Variants in FHIP1A observed in about 807,000 individuals in gnomAD.
The protein encoded by FHIP1A is FHF complex subunit HOOK interacting protein 1A.
A neutral mutation model predicts 88.6 loss-of-function variants in FHIP1A; 61 were observed. That is an observed-to-expected ratio of 0.69 (90% CI 0.56 to 0.85). The LOEUF (loss-of-function observed/expected upper bound fraction) is 0.85, where lower values mean the gene tolerates loss of function less well. Ranked by LOEUF, FHIP1A falls within the 40% of genes least tolerant of loss-of-function variation. FHIP1A has a pLI of 0.00. For missense variants in FHIP1A, 1,154 were observed against 1,273.5 expected, an observed-to-expected ratio of 0.91 and a Z score of 1.43; for synonymous variants, 478 against 496.0, an observed-to-expected ratio of 0.96 and a Z score of 0.48.
intron 1 of FHIP1A, among the ~76,000 whole-genome samples, chr4:151,411,284 G>A (rs1732629345): frequency 6.6e-6 from 1 of 150,976 alleles, no homozygotes; most frequent in South Asian, 2.1e-4. Context: ...AATATATTAT[G>A]TAGAGATATG....
intron 1 of FHIP1A, among the ~76,000 whole-genome samples, chr4:151,441,843 A>T (rs1301671166): frequency 6.6e-6 from 1 of 152,172 alleles, no homozygotes; most frequent in Non-Finnish European, 1.5e-5. Context: ...TCATCAAAAG[A>T]GAAATTTTAT....
At chr4:151,642,032 T>G (rs1736606689) in intron 9 of FHIP1A, among the ~76,000 whole-genome samples, 1 of 152,258 alleles carries the variant, frequency 6.6e-6, no homozygotes, top group Non-Finnish European at 1.5e-5. Context: ...ATGATCCATT[T>G]GTAACGGATA....
intron 3 of FHIP1A, among the ~76,000 whole-genome samples, chr4:151,531,975 TAAA>T (rs999442037): frequency 1.3e-5 from 2 of 152,172 alleles, no homozygotes; most frequent in African/African-American, 4.8e-5. Flanking sequence ...AGTTACAAAA[TAAA>T]AAAGGTAAGT....
At chr4:151,562,395 C>T (rs1156799251) in intron 3 of FHIP1A, among the ~76,000 whole-genome samples, 2 of 152,136 alleles carry the variant, frequency 1.3e-5, no homozygotes, top group Non-Finnish European at 2.9e-5. Context: ...CTAGCACTCT[C>T]CTGCCTGTGT....
In FHIP1A at chr4:151,476,180, T is replaced by G. The variant is rs561277746; in HGVS notation, c.-247-6344T>G. 2.4e-3 allele frequency among the ~76,000 whole-genome samples: 360 copies of G among 149,896 alleles called. 7 individuals carry two copies. The South Asian group carries it at 0.074, about 31-fold the overall frequency. On this transcript the variant is annotated intron_variant, in intron 2 of 13. Coordinates refer to ENST00000435205, the MANE Select transcript of FHIP1A (RefSeq NM_001109977.3). ...CGGCCGATTTTTTTTTTTTTTTTTT[T>G]GCCCAGGCTGGAGCGCAGTGGCAAG...
At chr4:151,649,368 A>G in intron 10 of FHIP1A, 91 bp from the exon 11 acceptor site, 1 of 826,484 alleles carries the variant, frequency 1.2e-6, no homozygotes, top group Non-Finnish European at 1.9e-6. Context: ...AGCTGGCAAG[A>G]CACAGTCTTA....
At chr4:151,579,377 C>T (rs1178992726) in intron 5 of FHIP1A, among the ~76,000 whole-genome samples, 1 of 152,158 alleles carries the variant, frequency 6.6e-6, no homozygotes, top group African/African-American at 2.4e-5. Context: ...TATCTCTGTA[C>T]CTTCCTCTCA....
intron 7 of FHIP1A, among the ~76,000 whole-genome samples, chr4:151,624,796 G>T (rs1735891619): frequency 6.6e-6 from 1 of 152,176 alleles, no homozygotes; most frequent in Non-Finnish European, 1.5e-5. Flanking sequence ...AGAGGTCGGG[G>T]AGCAGAAGGG....
At chr4:151,509,682 C>T (rs1730957662) in intron 3 of FHIP1A, among the ~76,000 whole-genome samples, 1 of 152,090 alleles carries the variant, frequency 6.6e-6, no homozygotes, top group African/African-American at 2.4e-5. Flanking sequence ...GACTGCACCT[C>T]AGACGCCTCC....
At chr4:151,567,532 A>G (rs1733434020) in intron 4 of FHIP1A, among the ~76,000 whole-genome samples, 1 of 152,116 alleles carries the variant, frequency 6.6e-6, no homozygotes, top group Admixed American at 6.5e-5. Flanking sequence ...TGCTTTAGTT[A>G]AGGGAAGAAA....
intron 2 of FHIP1A, among the ~76,000 whole-genome samples, chr4:151,461,092 T>G (rs995726438): frequency 6.6e-6 from 1 of 152,066 alleles, no homozygotes; most frequent in African/African-American, 2.4e-5. Flanking sequence ...AGAGGACAAA[T>G]AGGAAAGTGT....
chr4:151,658,176 TG>T (rs1000902600), intron 13 of FHIP1A, among the ~76,000 whole-genome samples: 4 of 152,224 alleles, frequency 2.6e-5, no homozygotes, highest in Admixed American at 2.0e-4. Context: ...GTGGTAAGTG[TG>T]TGACCTGTGT....
At chr4:151,423,789 G>T (rs1475972268) in intron 1 of FHIP1A, among the ~76,000 whole-genome samples, 1 of 152,168 alleles carries the variant, frequency 6.6e-6, no homozygotes, top group Non-Finnish European at 1.5e-5. Context: ...AGTGACAAAT[G>T]AGTACCTGAC....
chr4:151,609,741 C>T (rs1735223670), intron 7 of FHIP1A, among the ~76,000 whole-genome samples: 1 of 152,054 alleles, frequency 6.6e-6, no homozygotes. Context: ...GACTGGAAGA[C>T]CAGATCTTTC....
intron 8 of FHIP1A, among the ~76,000 whole-genome samples, chr4:151,631,830 G>A (rs1181830293): frequency 6.6e-6 from 1 of 152,158 alleles, no homozygotes; most frequent in African/African-American, 2.4e-5. Flanking sequence ...AAAGAAAAGA[G>A]TGAATTGCTT....
At chr4:151,640,798 T>C (rs1736558229) in intron 9 of FHIP1A, among the ~76,000 whole-genome samples, 1 of 152,148 alleles carries the variant, frequency 6.6e-6, no homozygotes, top group African/African-American at 2.4e-5. Flanking sequence ...CAGTGGCCTT[T>C]AGAAGGTGAG....
chr4:151,458,094 T>C (rs1191492069), intron 2 of FHIP1A, among the ~76,000 whole-genome samples: 1 of 152,190 alleles, frequency 6.6e-6, no homozygotes, highest in East Asian at 1.9e-4. Context: ...AGGTAAATGT[T>C]ATTATTATCC....
intron 7 of FHIP1A, among the ~76,000 whole-genome samples, chr4:151,612,778 T>A (rs1166217245): frequency 6.6e-6 from 1 of 152,228 alleles, no homozygotes; most frequent in African/African-American, 2.4e-5. Context: ...GCTCTCAGGC[T>A]TAAATTTTGG....
At chr4:151,657,963 G>A (rs1475913787) in intron 13 of FHIP1A, among the ~76,000 whole-genome samples, 1 of 152,182 alleles carries the variant, frequency 6.6e-6, no homozygotes, top group African/African-American at 2.4e-5. Flanking sequence ...GGTGCTTTCC[G>A]GCTGAAGCCA....
Sources: allele counts gnomAD v4.1 joint callset (sites outside exome capture counted in the v4.1 genomes callset), GRCh38; gene constraint gnomAD v4.1.1; transcripts MANE v1.5; gene names NCBI Gene and HGNC (gene_info 2026-07-23, HGNC 2026-07-21).